FOXN3: variants seen among roughly 807,000 people sequenced by gnomAD.
FOXN3 encodes the protein forkhead box N3.
In FOXN3, 7 loss-of-function variants were observed where a neutral mutation model predicts 38.4. That is an observed-to-expected ratio of 0.18 (90% confidence interval 0.10 to 0.34). The LOEUF (loss-of-function observed/expected upper bound fraction) is 0.34. Ranked by LOEUF, FOXN3 falls within the 10% of genes least tolerant of loss-of-function variation. The probability of loss-of-function intolerance (pLI) is 1.00; values close to 1 mark genes in which losing one functional copy is unlikely to be tolerated. For synonymous variants in FOXN3, 230 were observed against 242.2 expected (o/e 0.95, Z 0.47); for missense variants, 456 against 613.4 (o/e 0.74, Z 2.71).
At chr14:89,394,678 T>C (rs1446234249) in intron 2 of FOXN3, among the ~76,000 whole-genome samples, 2 of 152,364 alleles carry the variant, frequency 1.3e-5, no homozygotes, top group East Asian at 3.8e-4. Flanking sequence ...GCCAGATACA[T>C]GCATGCGCTG....
chr14:89,585,597 A>G (rs904686062), intron 1 of FOXN3, among the ~76,000 whole-genome samples: 1 of 152,188 alleles, frequency 6.6e-6, no homozygotes, highest in African/African-American at 2.4e-5. Context: ...AGACTAAAAA[A>G]GCTCCCTGCC....
intron 4 of FOXN3, chr14:89,190,520 A>G (rs1887915172): frequency 1.2e-5 from 16 of 1,320,980 alleles, no homozygotes; most frequent in Middle Eastern, 1.8e-4. Context: ...TTCCCCCTGC[A>G]AGTTACAGTT....
At chr14:89,431,711 T>C in intron 1 of FOXN3, among the ~76,000 whole-genome samples, 1 of 152,186 alleles carries the variant, frequency 6.6e-6, no homozygotes, top group East Asian at 1.9e-4. Context: ...AACACAAGCA[T>C]AGTGCTGTGG....
chr14:89,278,283 G>A (rs1360963097), intron 4 of FOXN3, among the ~76,000 whole-genome samples: 1 of 152,118 alleles, frequency 6.6e-6, no homozygotes, highest in Non-Finnish European at 1.5e-5. Flanking sequence ...CAGATCTCGT[G>A]AGACTTATGC....
intron 3 of FOXN3, among the ~76,000 whole-genome samples, chr14:89,288,665 T>TCG (rs1886724432): frequency 6.6e-5 from 3 of 45,372 alleles, no homozygotes; most frequent in South Asian, 1.3e-3. Context: ...TAATAGGCAC[T>TCG]CTCTTTCTCT....
Position 89,548,580 on chromosome 14 carries a change from T to C in FOXN3, c.-15+70448A>G, listed in dbSNP as rs1299445329. Among the ~76,000 whole-genome samples, 1 of 152,230 alleles carries C rather than the reference T, an allele frequency of 6.6e-6. No homozygotes were observed. Among genetic ancestry groups the C allele is most frequent in the Admixed American group, 6.5e-5 (1 of 15,280 alleles). ...TTATGTTTCAAAGGCATACACTAACTAATCGTATGGGATAATGTATGTAAA... is the reference window on the plus strand; with the variant it reads ...TTATGTTTCAAAGGCATACACTAACCAATCGTATGGGATAATGTATGTAAA... On this transcript the variant is annotated intron_variant, in intron 1 of 6. Coordinates refer to the FOXN3 transcript ENST00000345097. The surrounding 1 kb of genome is among the most constrained non-coding windows in gnomAD (Gnocchi z 4.8).
chr14:89,189,551 TG>T (rs1350456282), intron 4 of FOXN3, among the ~76,000 whole-genome samples: 1 of 152,218 alleles, frequency 6.6e-6, no homozygotes, highest in Non-Finnish European at 1.5e-5. Context: ...CAGCTGTCTG[TG>T]TGTTCAACAG....
At chr14:89,371,939 G>T (rs1488769047) in intron 2 of FOXN3, among the ~76,000 whole-genome samples, 1 of 151,970 alleles carries the variant, frequency 6.6e-6, no homozygotes, top group Admixed American at 6.6e-5. Context: ...TTCCCTGGGG[G>T]TAGCCTGCCA....
At chr14:89,320,713 G>A (rs1449220937) in intron 3 of FOXN3, among the ~76,000 whole-genome samples, 1 of 152,156 alleles carries the variant, frequency 6.6e-6, no homozygotes, top group Non-Finnish European at 1.5e-5. Context: ...AGATAAAGCA[G>A]GAAGGCTGAT....
chr14:89,520,251 G>A lies in FOXN3; in HGVS notation c.-15+98777C>T, dbSNP rs560690570. On this transcript the variant is annotated intron_variant, in intron 1 of 6. Transcript: ENST00000345097. ...CTGAGTTTTTCTTTCTTTTTTTTGA[G>A]GCAAGGTCTCGCTCTGTCACCCAGG... Among the ~76,000 whole-genome samples the A allele has an allele frequency of 9.2e-5, 14 of 151,708 alleles. No individual in the cohort carries two copies. In the South Asian group the frequency reaches 2.7e-3, roughly 29 times the overall value.
At chr14:89,530,049 C>T (rs1894523397) in intron 1 of FOXN3, among the ~76,000 whole-genome samples, 1 of 151,812 alleles carries the variant, frequency 6.6e-6, no homozygotes, top group South Asian at 2.1e-4. Context: ...AAGTGATTCT[C>T]CTGCCTCAGC....
chr14:89,535,841 A>G (rs1894673634), intron 1 of FOXN3, among the ~76,000 whole-genome samples: 1 of 152,236 alleles, frequency 6.6e-6, no homozygotes, highest in Non-Finnish European at 1.5e-5. Flanking sequence ...CAAAAGGATG[A>G]AGTCAGAGTC....
chr14:89,584,711 T>C (rs1220927392), intron 1 of FOXN3, among the ~76,000 whole-genome samples: 1 of 152,078 alleles, frequency 6.6e-6, no homozygotes. Context: ...TCTCTTCTCT[T>C]TTCTTTTCTT....
chr14:89,174,394 G>A (rs972567396), intron 5 of FOXN3, among the ~76,000 whole-genome samples: 1 of 152,070 alleles, frequency 6.6e-6, no homozygotes, highest in Non-Finnish European at 1.5e-5. Flanking sequence ...AATATCCAGG[G>A]GGACCACAAT....
At chr14:89,381,395 C>T (rs1890641573) in intron 2 of FOXN3, among the ~76,000 whole-genome samples, 1 of 151,868 alleles carries the variant, frequency 6.6e-6, no homozygotes, top group South Asian at 2.1e-4. Context: ...TAACTAAAGC[C>T]TTTCCAACAT....
At chr14:89,321,627 C>G (rs1442184330) in intron 3 of FOXN3, among the ~76,000 whole-genome samples, 1 of 152,116 alleles carries the variant, frequency 6.6e-6, no homozygotes, top group African/African-American at 2.4e-5. Context: ...GATCACACTT[C>G]CCATTCACTT....
intron 1 of FOXN3, among the ~76,000 whole-genome samples, chr14:89,514,813 T>C (rs1894169724): frequency 6.6e-6 from 1 of 152,200 alleles, no homozygotes. Flanking sequence ...TCTGTCGCAC[T>C]GTCCTGAAAA....
intron 5 of FOXN3, among the ~76,000 whole-genome samples, chr14:89,167,945 C>A (rs933375842): frequency 6.6e-5 from 10 of 152,192 alleles, no homozygotes; most frequent in Non-Finnish European, 1.3e-4. Context: ...TGTGTACCCT[C>A]TAAGGGCGTT....
intron 1 of FOXN3, among the ~76,000 whole-genome samples, chr14:89,463,783 TC>T (rs1461507383): frequency 4.2e-5 from 5 of 117,684 alleles, no homozygotes; most frequent in Non-Finnish European, 7.3e-5. Flanking sequence ...GGTCTCTCTC[TC>T]TTTTTTTTTT....
Sources: allele counts gnomAD v4.1 joint callset (sites outside exome capture counted in the v4.1 genomes callset), GRCh38; gene constraint gnomAD v4.1.1; non-coding constraint Gnocchi (gnomAD v3.1); transcripts MANE v1.5; gene names NCBI Gene and HGNC (gene_info 2026-07-23, HGNC 2026-07-21).